BCAR3: variants seen among roughly 807,000 people sequenced by gnomAD.
The protein encoded by BCAR3 is BCAR3 adaptor protein, NSP family member.
BCAR3 carries 37 observed loss-of-function variants against 80.1 expected under a neutral mutation model. The observed-to-expected ratio is 0.46, with a 90% CI of 0.36 to 0.61. The LOEUF (loss-of-function observed/expected upper bound fraction) is 0.61. BCAR3 is among the 20% of genes least tolerant of loss of function. BCAR3 has a pLI of 0.00. For synonymous variants in BCAR3, 389 were observed against 418.9 expected, an observed-to-expected ratio of 0.93 and a Z score of 0.87; for missense variants, 978 against 1,068.2, an observed-to-expected ratio of 0.92 and a Z score of 1.18.
At position 93,586,749 on chromosome 1, in the gene BCAR3, G is replaced by A. The variant is rs1673957716; in HGVS notation, c.929+2228C>T. Among the ~76,000 whole-genome samples, 1 of 152,094 alleles carries A rather than the reference G, an allele frequency of 6.6e-6. No individual in the cohort carries two copies. ...TTTTGGATATAGGCCTTTTTAACTG[G>A]GGTAAGGTGATATCCATTATAGTTT... On this transcript the variant is annotated intron_variant, in intron 5 of 11. Transcript: ENST00000260502. The surrounding 1 kb of genome is among the most constrained non-coding windows in gnomAD (Gnocchi z 4.2).
chr1:93,800,479 GGGA>G (rs1253474013), intron 2 of BCAR3, among the ~76,000 whole-genome samples: 1 of 152,124 alleles, frequency 6.6e-6, no homozygotes. Flanking sequence ...TGGAGGCTGA[GGGA>G]GGAGAATTGG....
intron 2 of BCAR3, among the ~76,000 whole-genome samples, chr1:93,751,191 T>C (rs571969810): frequency 1.3e-5 from 2 of 152,196 alleles, no homozygotes; most frequent in South Asian, 4.2e-4. Context: ...TTCAGTTCCA[T>C]GGGGAGGAAG....
intron 2 of BCAR3, among the ~76,000 whole-genome samples, chr1:93,748,410 C>T (rs1306210924): frequency 6.6e-6 from 1 of 152,206 alleles, no homozygotes; most frequent in Non-Finnish European, 1.5e-5. Flanking sequence ...ATCTCCAAGT[C>T]TGTCATTTAC....
chr1:93,749,316 A>C (rs1651462925), intron 2 of BCAR3, among the ~76,000 whole-genome samples: 1 of 152,068 alleles, frequency 6.6e-6, no homozygotes, highest in South Asian at 2.1e-4. Context: ...GGGCTGGCCG[A>C]GGTGGATCAC....
chr1:93,573,642 T>A (rs539659037), intron 8 of BCAR3, among the ~76,000 whole-genome samples: 129 of 137,998 alleles, frequency 9.3e-4, no homozygotes, highest in East Asian at 6.1e-3. Flanking sequence ...TATTTTTTTT[T>A]TTTTGAGACA....
chr1:93,676,859 C>A (rs535928419), intron 1 of BCAR3, among the ~76,000 whole-genome samples: 1 of 152,346 alleles, frequency 6.6e-6, no homozygotes, highest in African/African-American at 2.4e-5. Flanking sequence ...TTTCCAATAG[C>A]ATGATGGGCA....
intron 2 of BCAR3, among the ~76,000 whole-genome samples, chr1:93,834,186 C>T (rs2092700): frequency 0.6 from 91,598 of 151,962 alleles, 28,886 homozygotes; most frequent in East Asian, 0.78. Flanking sequence ...TTGCCTGTTA[C>T]AGCATGGCCT....
At chr1:93,631,088 G>A (rs1249327937) in intron 3 of BCAR3, among the ~76,000 whole-genome samples, 1 of 152,198 alleles carries the variant, frequency 6.6e-6, no homozygotes, top group Non-Finnish European at 1.5e-5. Flanking sequence ...GGGCCACAAT[G>A]GCTCCAAAGG....
rs142450783 is a variant in BCAR3, at chr1:93,838,476, C to G, written c.-63+7091G>C. ...CCACCCTCATTACCCAAATACCCCC[C>G]ACTAGGTCTGACCTCCAACACTGCC... On this transcript the variant is annotated intron_variant, in intron 2 of 13. Coordinates refer to the BCAR3 transcript ENST00000370244. 3.1e-3 allele frequency among the ~76,000 whole-genome samples: 470 copies of G among 152,292 alleles called. 1 individual carries two copies. Among genetic ancestry groups the G allele is most frequent in the African/African-American group, 0.011 (459 of 41,550 alleles).
intron 3 of BCAR3, among the ~76,000 whole-genome samples, chr1:93,593,768 T>C (rs1674309771): frequency 6.7e-6 from 1 of 148,910 alleles, no homozygotes; most frequent in Admixed American, 6.6e-5. Flanking sequence ...AGCCCTGGAA[T>C]TTTAGGGCTA....
intron 2 of BCAR3, among the ~76,000 whole-genome samples, chr1:93,772,846 C>A (rs548423769): frequency 6.6e-6 from 1 of 152,232 alleles, no homozygotes; most frequent in African/African-American, 2.4e-5. Context: ...CCTCTTGATC[C>A]GCCCACCTCA....
At chr1:93,575,229 T>G (rs1371059922) in intron 8 of BCAR3, among the ~76,000 whole-genome samples, 1 of 152,162 alleles carries the variant, frequency 6.6e-6, no homozygotes, top group African/African-American at 2.4e-5. Flanking sequence ...TGGAACTTCA[T>G]GGAAAGCCAT....
chr1:93,845,520 G>C (rs1571168453), intron 2 of BCAR3: 2 of 53,482 alleles, frequency 3.7e-5, no homozygotes, highest in South Asian at 1.3e-3. Context: ...GTTTACATTA[G>C]AGTATAATTA....
chr1:93,776,731 T>G (rs569592519), intron 2 of BCAR3, among the ~76,000 whole-genome samples: 1 of 152,300 alleles, frequency 6.6e-6, no homozygotes, highest in African/African-American at 2.4e-5. Flanking sequence ...TGTAAATTGG[T>G]AGGTAGATCT....
At chr1:93,594,064 T>C (rs1261475841) in intron 3 of BCAR3, among the ~76,000 whole-genome samples, 5 of 152,184 alleles carry the variant, frequency 3.3e-5, no homozygotes, top group Non-Finnish European at 5.9e-5. Flanking sequence ...ACAGCTTGAG[T>C]GTGGAATGCA....
At chr1:93,632,264 G>T (rs1212758096) in intron 3 of BCAR3, among the ~76,000 whole-genome samples, 1 of 152,216 alleles carries the variant, frequency 6.6e-6, no homozygotes, top group Non-Finnish European at 1.5e-5. Context: ...AAACAGCCTA[G>T]AGCAAGGGTC....
At chr1:93,607,227 C>T (rs1674796995) in intron 3 of BCAR3, among the ~76,000 whole-genome samples, 1 of 152,160 alleles carries the variant, frequency 6.6e-6, no homozygotes, top group Admixed American at 6.5e-5. Context: ...CAAACCTGTG[C>T]ATGCACCCCC....
chr1:93,800,520 G>T (rs1653440647), intron 2 of BCAR3, among the ~76,000 whole-genome samples: 2 of 152,140 alleles, frequency 1.3e-5, no homozygotes, highest in Non-Finnish European at 2.9e-5. Context: ...AGGTTGCAGT[G>T]AGCTGAGATT....
Position 93,586,242 on chromosome 1 carries a change from C to T in BCAR3, c.930-2121G>A, listed in dbSNP as rs115447902. Among the ~76,000 whole-genome samples, 1,806 of 150,006 alleles carry T rather than the reference C, an allele frequency of 0.012. 39 individuals carry two copies. The highest frequency in any genetic ancestry group is 0.041 in the African/African-American group (1,688 of 41,120). ...TTCCCAGGCTCTGCTAACCATCCTT[C>T]TACTCTCTGTGTCCAAGAATTCAGT... is the stretch of plus-strand genomic sequence containing the variant. On this transcript the variant is annotated intron_variant, in intron 5 of 11. Coordinates refer to ENST00000260502, the MANE Select transcript of BCAR3 (RefSeq NM_003567.4). This position sits in a 1 kb window ranked among gnomAD's most constrained non-coding sequence, Gnocchi z 4.2.
Sources: allele counts gnomAD v4.1 joint callset (sites outside exome capture counted in the v4.1 genomes callset), GRCh38; gene constraint gnomAD v4.1.1; non-coding constraint Gnocchi (gnomAD v3.1); transcripts MANE v1.5; gene names NCBI Gene and HGNC (gene_info 2026-07-23, HGNC 2026-07-21).